The following TBC1D5 variants were observed in gnomAD, a reference collection of about 807,000 sequenced individuals.
The protein encoded by TBC1D5 is TBC1 domain family, member 5.
A neutral mutation model predicts 100.3 loss-of-function variants in TBC1D5; 75 were observed. That is an observed-to-expected ratio of 0.75 (90% confidence interval 0.62 to 0.91). The LOEUF (loss-of-function observed/expected upper bound fraction) is 0.91. Ranked by LOEUF, TBC1D5 falls within the 40% of genes least tolerant of loss-of-function variation. The pLI is 0.00. For missense variants in TBC1D5, 910 were observed against 942.4 expected, an observed-to-expected ratio of 0.97 and a Z score of 0.45; for synonymous variants, 323 against 325.6, an observed-to-expected ratio of 0.99 and a Z score of 0.09.
At chr3:17,288,351 A>G (rs1032391210) in intron 15 of TBC1D5, among the ~76,000 whole-genome samples, 3 of 152,162 alleles carry the variant, frequency 2.0e-5, no homozygotes, top group Non-Finnish European at 4.4e-5. Context: ...TCCTAAGTAG[A>G]CAGGGATGGG....
exon 22 of TBC1D5, chr3:17,160,856 G>A (rs907367868): frequency 1.5e-6 from 2 of 1,373,178 alleles, no homozygotes; most frequent in African/African-American, 2.9e-5. Context: ...TGCATGCCGG[G>A]AAGGAAGCAG....
chr3:17,694,809 G>T (rs1560485869), intron 1 of TBC1D5, among the ~76,000 whole-genome samples: 1 of 152,106 alleles, frequency 6.6e-6, no homozygotes, highest in Non-Finnish European at 1.5e-5. Flanking sequence ...ATTCACTAAG[G>T]TTGAAATGAA....
At chr3:17,532,383 T>G (rs1461230662) in intron 2 of TBC1D5, among the ~76,000 whole-genome samples, 1 of 152,340 alleles carries the variant, frequency 6.6e-6, no homozygotes, top group Non-Finnish European at 1.5e-5. Context: ...TTTACACTGT[T>G]GGTGGGACTG....
intron 1 of TBC1D5, among the ~76,000 whole-genome samples, chr3:17,650,148 G>C (rs75639875): frequency 6.6e-5 from 10 of 152,084 alleles, no homozygotes; most frequent in Admixed American, 3.9e-4. Flanking sequence ...CTTGCGGGGT[G>C]GGGGGCTGGG....
chr3:17,443,007 C>A (rs2094701430), intron 3 of TBC1D5, among the ~76,000 whole-genome samples: 1 of 152,002 alleles, frequency 6.6e-6, no homozygotes, highest in Non-Finnish European at 1.5e-5. Flanking sequence ...TTAACAGGAT[C>A]CAGAGTTTCA....
chr3:17,684,040 G>T (rs962710560), intron 1 of TBC1D5, among the ~76,000 whole-genome samples: 1 of 151,926 alleles, frequency 6.6e-6, no homozygotes, highest in African/African-American at 2.4e-5. Context: ...TAATAATAGG[G>T]GCTGGGTAGA....
intron 17 of TBC1D5, chr3:17,233,750 C>A (rs756711557): frequency 1.3e-6 from 2 of 1,536,980 alleles, no homozygotes; most frequent in East Asian, 2.5e-5. Context: ...AACTACATCG[C>A]CTGGATTTCA....
chr3:17,698,718 C>T (rs1485673083), intron 1 of TBC1D5, among the ~76,000 whole-genome samples: 1 of 150,442 alleles, frequency 6.6e-6, no homozygotes, highest in Middle Eastern at 3.4e-3. Context: ...ACAACCCCAT[C>T]AAAAAGTGGG....
chr3:17,381,269 G>C (rs1471921609), intron 9 of TBC1D5, among the ~76,000 whole-genome samples: 1 of 151,894 alleles, frequency 6.6e-6, no homozygotes, highest in Non-Finnish European at 1.5e-5. Flanking sequence ...TTTGTTCCTT[G>C]TCCATAGAAC....
chr3:17,347,069 T>G (rs2089988815), intron 13 of TBC1D5, among the ~76,000 whole-genome samples: 1 of 152,224 alleles, frequency 6.6e-6, no homozygotes, highest in Non-Finnish European at 1.5e-5. Context: ...TACTTTTACA[T>G]GTATGTTTTA....
intron 1 of TBC1D5, among the ~76,000 whole-genome samples, chr3:17,735,809 G>A (rs1055599166): frequency 6.6e-6 from 1 of 152,180 alleles, no homozygotes; most frequent in South Asian, 2.1e-4. Flanking sequence ...GGTGTGCGAC[G>A]ACAGCAAACA....
At position 17,713,162 on chromosome 3, in the gene TBC1D5, C is replaced by T. The variant is rs547836246; in HGVS notation, c.-101+26181G>A. ...ATATAGGTACTTCTTAGATATGACACCAAAAGTATAAATAACAACAGAAAA... is the reference window on the plus strand; with the variant it reads ...ATATAGGTACTTCTTAGATATGACATCAAAAGTATAAATAACAACAGAAAA... On this transcript the variant is annotated intron_variant, in intron 1 of 21. Transcript: ENST00000253692. 4.3e-4 allele frequency among the ~76,000 whole-genome samples: 66 copies of T among 152,054 alleles called. 1 individual carries two copies. The highest frequency in any genetic ancestry group is 7.9e-4 in the Non-Finnish European group (54 of 68,000).
At chr3:17,545,723 C>G (rs189710243) in intron 2 of TBC1D5, among the ~76,000 whole-genome samples, 8 of 152,226 alleles carry the variant, frequency 5.3e-5, no homozygotes, top group African/African-American at 1.9e-4. Context: ...ATAAGAGACA[C>G]AAACACTGAA....
At chr3:17,289,229 GGCAGCTGAGCACACAGTCACA>G (rs913647485) in intron 15 of TBC1D5, among the ~76,000 whole-genome samples, 1 of 152,132 alleles carries the variant, frequency 6.6e-6, no homozygotes, top group African/African-American at 2.4e-5. Flanking sequence ...CCCTCCCATT[GGCAGCTGAGCACACAGTCACA>G]GCAGCCACAG....
intron 14 of TBC1D5, among the ~76,000 whole-genome samples, chr3:17,295,608 AACTT>A (rs1369409101): frequency 6.6e-6 from 1 of 152,262 alleles, no homozygotes; most frequent in Non-Finnish European, 1.5e-5. Flanking sequence ...GTGGATCAAT[AACTT>A]ACACATAATT....
At chr3:17,602,590 T>TTTTTGAAG (rs2061038276) in intron 2 of TBC1D5, among the ~76,000 whole-genome samples, 1 of 139,734 alleles carries the variant, frequency 7.2e-6, no homozygotes, top group Non-Finnish European at 1.5e-5. Context: ...TTTTTTTTTT[T>TTTTTGAAG]GAGACGGAGT....
At chr3:17,632,429 T>C (rs2063577922) in intron 1 of TBC1D5, among the ~76,000 whole-genome samples, 1 of 152,158 alleles carries the variant, frequency 6.6e-6, no homozygotes, top group African/African-American at 2.4e-5. Flanking sequence ...TTTAGAATAT[T>C]CCATAAAATC....
intron 1 of TBC1D5, among the ~76,000 whole-genome samples, chr3:17,691,921 A>C (rs576867248): frequency 1.2e-3 from 173 of 144,428 alleles, no homozygotes; most frequent in Admixed American, 2.8e-3. Flanking sequence ...AAGTAGAAAC[A>C]AAAAAAAAAA....
Position 17,576,171 on chromosome 3 carries a change from G to A in TBC1D5, c.-36+47678C>T, listed in dbSNP as rs372527249. 3.9e-5 allele frequency among the ~76,000 whole-genome samples: 6 copies of A among 152,054 alleles called. 1 individual carries two copies. The highest frequency in any genetic ancestry group is 4.1e-4 in the South Asian group (2 of 4,832). The stretch of plus-strand genomic sequence containing the variant: ...ATTTTGATGAAGAAAAAGGAAACAC[G>A]TACACGTGTTTAAGATTGTATTGCT... On this transcript the variant is annotated intron_variant, in intron 2 of 21. Coordinates refer to ENST00000253692, the Ensembl canonical transcript of TBC1D5.
Sources: gnomAD v4.1 joint callset for allele counts (sites outside exome capture counted in the v4.1 genomes callset) on GRCh38, gnomAD v4.1.1 for gene constraint, MANE v1.5 for transcripts, NCBI Gene and HGNC (gene_info 2026-07-23, HGNC 2026-07-21) for gene names.